Variants in CEP128 observed in about 807,000 individuals in gnomAD.
CEP128 encodes centrosomal protein 128kDa.
Under a neutral mutation model 156.7 loss-of-function variants are expected in CEP128, and 132 were observed. That is an observed-to-expected ratio of 0.84 (90% CI 0.73 to 0.97). The LOEUF (loss-of-function observed/expected upper bound fraction) is 0.97, where lower values mean the gene tolerates loss of function less well. Among genes scored for constraint, CEP128 ranks in the 50% least tolerant of loss-of-function variants. CEP128 has a pLI of 0.00. For missense variants in CEP128, 1,252 were observed against 1,281.9 expected (o/e 0.98, Z 0.36); for synonymous variants, 469 against 448.9 (o/e 1.04, Z -0.57).
At chr14:80,534,160 T>C (rs932850189) in intron 21 of CEP128, among the ~76,000 whole-genome samples, 1 of 152,196 alleles carries the variant, frequency 6.6e-6, no homozygotes, top group Non-Finnish European at 1.5e-5. Flanking sequence ...TCTCTCTGCA[T>C]GTATGTGAGT....
At chr14:80,513,430 T>C (rs557079638) in intron 23 of CEP128, among the ~76,000 whole-genome samples, 93 of 152,316 alleles carry the variant, frequency 6.1e-4, no homozygotes, top group African/African-American at 2.0e-3. Context: ...GGGAGTTACA[T>C]GTTTTGAGGT....
At chr14:80,764,517 GA>G (rs923214874) in intron 16 of CEP128, among the ~76,000 whole-genome samples, 45 of 136,380 alleles carry the variant, frequency 3.3e-4, no homozygotes, top group Middle Eastern at 3.9e-3. Flanking sequence ...AAAAAAAAAA[GA>G]AAAAAAAAAA....
intron 8 of CEP128, among the ~76,000 whole-genome samples, chr14:80,879,627 T>C (rs946126609): frequency 5.3e-5 from 8 of 151,352 alleles, no homozygotes; most frequent in African/African-American, 1.9e-4. Flanking sequence ...TGAAGATGAG[T>C]ATTTTGAAAT....
At chr14:80,893,497 A>G (rs1293633406) in intron 8 of CEP128, among the ~76,000 whole-genome samples, 1 of 119,962 alleles carries the variant, frequency 8.3e-6, no homozygotes, top group Non-Finnish European at 1.8e-5. Context: ...TGTTCTTGCC[A>G]CAAACCAAAA....
At chr14:80,691,968 G>C (rs1896734186) in intron 19 of CEP128, among the ~76,000 whole-genome samples, 1 of 152,118 alleles carries the variant, frequency 6.6e-6, no homozygotes, top group South Asian at 2.1e-4. Flanking sequence ...CACAAATCAA[G>C]TAAGTAGGAC....
In CEP128 at chr14:80,935,420, G is replaced by A. The variant is rs139646283; in HGVS notation, c.-16+3965C>T. Among the ~76,000 whole-genome samples the A allele has an allele frequency of 4.4e-3, 671 of 151,680 alleles. 5 individuals carry two copies. The highest frequency in any genetic ancestry group is 3.0e-3 in the Non-Finnish European group (207 of 67,902). ...ACAATAATTAGCTGGGTGTGGTGCTGAGCACCTGTAATCCCTGCTATTTGA... is the reference window on the plus strand; with the variant it reads ...ACAATAATTAGCTGGGTGTGGTGCTAAGCACCTGTAATCCCTGCTATTTGA... On this transcript the variant is annotated intron_variant, in intron 2 of 24. Transcript: ENST00000555265.
At chr14:80,901,191 G>T (rs1041980155) in intron 6 of CEP128, among the ~76,000 whole-genome samples, 1 of 151,602 alleles carries the variant, frequency 6.6e-6, no homozygotes, top group Non-Finnish European at 1.5e-5. Flanking sequence ...GGGCGACAGA[G>T]CGAGACTCCG....
At chr14:80,566,272 A>G (rs568612827) in intron 20 of CEP128, among the ~76,000 whole-genome samples, 2 of 152,178 alleles carry the variant, frequency 1.3e-5, no homozygotes, top group Non-Finnish European at 2.9e-5. Flanking sequence ...CTATAGAATG[A>G]AATACAAATA....
intron 21 of CEP128, among the ~76,000 whole-genome samples, chr14:80,551,779 C>A (rs914927015): frequency 3.3e-5 from 5 of 152,204 alleles, no homozygotes; most frequent in African/African-American, 1.2e-4. Flanking sequence ...CCTCCCCAAT[C>A]AACAGTATAC....
intron 19 of CEP128, among the ~76,000 whole-genome samples, chr14:80,649,949 G>A (rs1298861599): frequency 6.6e-6 from 1 of 152,138 alleles, no homozygotes; most frequent in Non-Finnish European, 1.5e-5. Flanking sequence ...CTAATTCTGT[G>A]AAGAGAGTCA....
chr14:80,703,161 T>A (rs969536770), intron 19 of CEP128, among the ~76,000 whole-genome samples: 2 of 152,042 alleles, frequency 1.3e-5, no homozygotes, highest in African/African-American at 4.8e-5. Context: ...TAAAAAACAG[T>A]AGAACTTGGA....
upstream of CEP128, among the ~76,000 whole-genome samples, chr14:80,946,341 ATGATGCATCATGATGATGCC>A (rs1886343898): frequency 7.3e-6 from 1 of 136,778 alleles, no homozygotes; most frequent in Non-Finnish European, 1.6e-5. Flanking sequence ...ATGATGCCTC[ATGATGCATCATGATGATGCC>A]TCATGATGCA....
At chr14:80,905,058 TC>T in intron 5 of CEP128, 127 bp from the exon 6 acceptor site, 1 of 602,240 alleles carries the variant, frequency 1.7e-6, no homozygotes, top group South Asian at 2.3e-5. Context: ...CCAGACTATT[TC>T]CCAAGTATCT....
intron 13 of CEP128, among the ~76,000 whole-genome samples, chr14:80,817,409 T>A (rs1224336119): frequency 1.3e-5 from 2 of 152,126 alleles, no homozygotes; most frequent in African/African-American, 4.8e-5. Flanking sequence ...GGCCTACATG[T>A]CAAACGTAGG....
chr14:80,854,378 C>A (rs765650219), intron 9 of CEP128, among the ~76,000 whole-genome samples: 1 of 152,080 alleles, frequency 6.6e-6, no homozygotes, highest in South Asian at 2.1e-4. Context: ...AAACAAGAAG[C>A]AGAAATGTAT....
intron 14 of CEP128, among the ~76,000 whole-genome samples, chr14:80,479,173 G>T (rs1441102826): frequency 6.6e-6 from 1 of 152,200 alleles, no homozygotes; most frequent in Admixed American, 6.5e-5. Flanking sequence ...CGCACAATTA[G>T]TAAGTTGTGC....
At chr14:80,677,834 C>A (rs1419074987) in intron 19 of CEP128, among the ~76,000 whole-genome samples, 1 of 151,792 alleles carries the variant, frequency 6.6e-6, no homozygotes, top group East Asian at 1.9e-4. Context: ...GGCATTAAAA[C>A]AAGACATTTA....
At chr14:80,599,162 C>G (rs2140521532) in intron 19 of CEP128, among the ~76,000 whole-genome samples, 1 of 151,684 alleles carries the variant, frequency 6.6e-6, no homozygotes, top group Non-Finnish European at 1.5e-5. Context: ...GATAATGGAT[C>G]TTAAATTTTA....
chr14:80,948,475 A>G (rs10146348), intron 2 of CEP128, among the ~76,000 whole-genome samples: 65,506 of 152,024 alleles, frequency 0.43, 14,489 homozygotes, highest in Middle Eastern at 0.53. Flanking sequence ...ACTAAACCAA[A>G]ATTGCAAAAC....
Sources: gnomAD v4.1 joint callset for allele counts (sites outside exome capture counted in the v4.1 genomes callset) on GRCh38, gnomAD v4.1.1 for gene constraint, MANE v1.5 for transcripts, NCBI Gene and HGNC (gene_info 2026-07-23, HGNC 2026-07-21) for gene names.